YAF2: variants seen among roughly 807,000 people sequenced by gnomAD.
The protein encoded by YAF2 is YY1 associated factor 2, also known as YY1-associated factor 2.
YAF2 carries 7 observed loss-of-function variants against 20.1 expected under a neutral mutation model. The observed-to-expected ratio is 0.35, with a 90% CI of 0.20 to 0.65. The LOEUF is 0.65. Ranked by LOEUF, YAF2 falls within the 30% of genes least tolerant of loss-of-function variation. The probability of loss-of-function intolerance (pLI) is 0.69; values close to 1 mark genes in which losing one functional copy is unlikely to be tolerated. For missense variants in YAF2, 151 were observed against 219.2 expected, an observed-to-expected ratio of 0.69 and a Z score of 1.96; for synonymous variants, 74 against 76.0, an observed-to-expected ratio of 0.97 and a Z score of 0.14.
intron 2 of YAF2, among the ~76,000 whole-genome samples, chr12:42,191,292 C>A (rs2066606447): frequency 6.6e-6 from 1 of 152,104 alleles, no homozygotes; most frequent in Non-Finnish European, 1.5e-5. Flanking sequence ...AGAAACTATA[C>A]CCTAGATTAT....
chr12:42,215,156 C>T (rs552411206), intron 2 of YAF2, among the ~76,000 whole-genome samples: 3 of 152,290 alleles, frequency 2.0e-5, no homozygotes, highest in African/African-American at 4.8e-5. Flanking sequence ...AATTCATAAG[C>T]CACTCACTGA....
At chr12:42,183,354 G>A (rs1044698403) in intron 2 of YAF2, among the ~76,000 whole-genome samples, 1 of 152,226 alleles carries the variant, frequency 6.6e-6, no homozygotes, top group Non-Finnish European at 1.5e-5. Context: ...ATTAAGCTTA[G>A]TGAGGAAGGC....
intron 1 of YAF2, 23 bp downstream of exon 1, chr12:42,238,132 C>T (rs762778857): frequency 3.9e-6 from 6 of 1,531,384 alleles, no homozygotes; most frequent in Non-Finnish European, 4.4e-6. Flanking sequence ...ACAGTCCGGG[C>T]CCCGGGGCCC....
chr12:42,165,659 G>C (rs531558855), intron 2 of YAF2, among the ~76,000 whole-genome samples: 1 of 150,960 alleles, frequency 6.6e-6, no homozygotes, highest in African/African-American at 2.4e-5. Flanking sequence ...TTTTAATAGA[G>C]ACGGGGTTTC....
At chr12:42,232,937 C>G in intron 2 of YAF2, 1 of 985,402 alleles carries the variant, frequency 1.0e-6, no homozygotes, top group Non-Finnish European at 1.2e-6. Context: ...GAAAGATCTA[C>G]TAACACTAAA....
intron 2 of YAF2, among the ~76,000 whole-genome samples, chr12:42,188,028 G>A (rs1046166870): frequency 1.4e-4 from 21 of 152,166 alleles, no homozygotes; most frequent in African/African-American, 4.8e-4. Flanking sequence ...TGTTATCTTA[G>A]TTGCACCCTC....
At chr12:42,168,710 C>T (rs1017829936) in intron 2 of YAF2, among the ~76,000 whole-genome samples, 4 of 152,102 alleles carry the variant, frequency 2.6e-5, no homozygotes, top group Non-Finnish European at 4.4e-5. Context: ...AGCCACTGTT[C>T]TCAAAGTAGT....
At chr12:42,221,192 C>T (rs1390387495) in intron 2 of YAF2, among the ~76,000 whole-genome samples, 1 of 152,078 alleles carries the variant, frequency 6.6e-6, no homozygotes, top group African/African-American at 2.4e-5. Flanking sequence ...ACCACTAGAT[C>T]TAGGTATAGG....
In YAF2 at chr12:42,226,298, A is replaced by G. The variant is rs530085354; in HGVS notation, c.152+11301T>C. 1.1e-4 allele frequency among the ~76,000 whole-genome samples: 17 copies of G among 152,346 alleles called. No individual in the cohort carries two copies. In the South Asian group the frequency reaches 3.5e-3, roughly 32 times the overall value. On this transcript the variant is annotated intron_variant, in intron 2 of 3. Transcript: ENST00000534854. ...AAGTGGCCACAAATGAGATCATAAC[A>G]ATATTATACAACTTGCCAAAGCTGT...
At chr12:42,215,865 T>G (rs1020784738) in intron 2 of YAF2, among the ~76,000 whole-genome samples, 24 of 152,082 alleles carry the variant, frequency 1.6e-4, no homozygotes, top group African/African-American at 5.8e-4. Context: ...GAGGTTGCAG[T>G]GAGCCCAGAT....
intron 2 of YAF2, among the ~76,000 whole-genome samples, chr12:42,206,080 T>C (rs1222316788): frequency 2.0e-5 from 3 of 152,132 alleles, no homozygotes; most frequent in Admixed American, 1.3e-4. Context: ...TCTTCATTTT[T>C]CTGCATTTCT....
intron 2 of YAF2, among the ~76,000 whole-genome samples, chr12:42,224,489 T>A (rs2067624622): frequency 6.6e-6 from 1 of 151,950 alleles, no homozygotes; most frequent in Admixed American, 6.6e-5. Context: ...CAACCCGTCA[T>A]CTACATTAGG....
chr12:42,235,949 A>G (rs775804349), intron 2 of YAF2: 26 of 1,535,998 alleles, frequency 1.7e-5, no homozygotes, highest in African/African-American at 1.4e-5. Flanking sequence ...CTCTAACCCC[A>G]AGACTGGCTG....
chr12:42,186,310 T>C (rs1373413369), intron 2 of YAF2, among the ~76,000 whole-genome samples: 1 of 150,816 alleles, frequency 6.6e-6, no homozygotes, highest in Non-Finnish European at 1.5e-5. Context: ...GTCAAGATGG[T>C]GTCACGGCAC....
chr12:42,234,431 G>A (rs972767835), intron 2 of YAF2: 5 of 982,544 alleles, frequency 5.1e-6, no homozygotes, highest in African/African-American at 1.8e-5. Flanking sequence ...TTGGGTAATG[G>A]GTACACTGGA....
At chr12:42,213,619 C>T (rs1164920335) in intron 2 of YAF2, among the ~76,000 whole-genome samples, 1 of 152,026 alleles carries the variant, frequency 6.6e-6, no homozygotes, top group East Asian at 1.9e-4. Flanking sequence ...TTTTTATTTC[C>T]ATTGAATAAA....
At chr12:42,160,986 C>T (rs1192334711) in intron 3 of YAF2, 160 bp from the exon 4 acceptor site, 6 of 610,842 alleles carry the variant, frequency 9.8e-6, no homozygotes, top group Admixed American at 6.5e-5. Context: ...TGTTTCAACT[C>T]ATTAACATTA....
At chr12:42,207,793 A>G (rs1592003233) in intron 2 of YAF2, among the ~76,000 whole-genome samples, 1 of 152,112 alleles carries the variant, frequency 6.6e-6, no homozygotes, top group African/African-American at 2.4e-5. Context: ...TGGGAGGCTG[A>G]GGCAGGAGAA....
rs33934066 is a variant in YAF2 at position 42,206,297 on chromosome 12, TAAAA to T, written c.152+31298_152+31301del. ...AATTATAATGCAATATGCTCTTAGT[TAAAA>T]AAAAAAAAAAAAAAAAGTGACGTCT... is the stretch of plus-strand genomic sequence containing the variant. On this transcript the variant is annotated intron_variant, in intron 2 of 3. Coordinates refer to ENST00000534854, the MANE Select transcript of YAF2 (RefSeq NM_005748.6). 5.3e-3 allele frequency among the ~76,000 whole-genome samples: 697 copies of T among 130,950 alleles called. 4 individuals carry two copies. The highest frequency in any genetic ancestry group is 0.019 in the African/African-American group (666 of 34,750). The allele number at this position is 130,950 out of a possible 152,430, so 85.9% of individuals were successfully genotyped here.
Sources: gnomAD v4.1 joint callset for allele counts (sites outside exome capture counted in the v4.1 genomes callset) on GRCh38, gnomAD v4.1.1 for gene constraint, MANE v1.5 for transcripts, NCBI Gene and HGNC (gene_info 2026-07-23, HGNC 2026-07-21) for gene names.